Variants in NF2 observed in about 807,000 individuals in gnomAD.
NF2 encodes the protein merlin.
In NF2, 8 loss-of-function variants were observed where a neutral mutation model predicts 83.7. The observed-to-expected ratio is 0.10, with a 90% CI of 0.06 to 0.17. The LOEUF is 0.17. NF2 is among the 10% of genes least tolerant of loss of function. The pLI is 1.00. For missense variants in NF2, 533 were observed against 744.4 expected (o/e 0.72, Z 3.31); for synonymous variants, 266 against 269.6 (o/e 0.99, Z 0.13).
intron 14 of NF2, 90 bp from the exon 15 acceptor site, chr22:29,681,349 G>T (rs181990695): frequency 2.0e-6 from 3 of 1,531,564 alleles, no homozygotes; most frequent in East Asian, 2.3e-5. Flanking sequence ...ACCCTAGATC[G>T]CACACCAAGC....
rs139057067 is a variant in NF2, at chr22:29,664,854, G to A, written c.811-136G>A. ...CCTAATTCCCTGAGGTTTAGTGCCT[G>A]GATACTGGGAAGCCAGGACAAGGCA... On this transcript the variant is annotated intron_variant, in intron 8 of 15. Coordinates refer to ENST00000338641, the MANE Select transcript of NF2 (RefSeq NM_000268.4). 17 of 733,672 alleles carry A rather than the reference G, an allele frequency of 2.3e-5. No individual in the cohort carries two copies. In the African/African-American group the frequency reaches 2.4e-4, roughly 10 times the overall value. The allele number at this position is 733,672 out of a possible 1,614,324, so 45.4% of individuals were successfully genotyped here. A position where few individuals can be genotyped will look rare whatever the true frequency, so the allele number is the denominator to read the frequency against.
intron 13 of NF2, among the ~76,000 whole-genome samples, chr22:29,675,704 A>G (rs2066941496): frequency 6.6e-6 from 1 of 152,058 alleles, no homozygotes; most frequent in African/African-American, 2.4e-5. Context: ...GAGGGCACAG[A>G]TGCACACATG....
intron 14 of NF2, among the ~76,000 whole-genome samples, 187 bp from the exon 15 acceptor site, chr22:29,681,252 G>A (rs1028586514): frequency 6.6e-6 from 1 of 151,984 alleles, no homozygotes; most frequent in East Asian, 1.9e-4. Flanking sequence ...TTTTAATGAT[G>A]AGGAAACATT....
intron 1 of NF2, among the ~76,000 whole-genome samples, chr22:29,633,058 G>A (rs2065557443): frequency 6.6e-6 from 1 of 152,158 alleles, no homozygotes; most frequent in Admixed American, 6.5e-5. Context: ...CCCAAATTAG[G>A]AAGACTGAGC....
chr22:29,666,135 G>T (rs1034465783), intron 9 of NF2, among the ~76,000 whole-genome samples: 3 of 151,774 alleles, frequency 2.0e-5, no homozygotes, highest in African/African-American at 7.3e-5. Flanking sequence ...TCTGTTAATG[G>T]ATAATTAAGT....
intron 4 of NF2, among the ~76,000 whole-genome samples, chr22:29,644,588 G>A (rs1317622583): frequency 6.6e-6 from 1 of 152,090 alleles, no homozygotes; most frequent in Non-Finnish European, 1.5e-5. Context: ...GGTGGAGGTT[G>A]TAGCGAGCCG....
chr22:29,673,402 C>A lies in NF2; in HGVS notation c.1256C>A (p.Thr419Lys), dbSNP rs1216540232. The change falls in exon 12 of 16, where the codon ACG (threonine) becomes AAG (lysine). Residue 419 changes from threonine (T) to lysine (K), a missense_variant. Coordinates refer to ENST00000338641, the MANE Select transcript of NF2 (RefSeq NM_000268.4). ...CGCATCAAGGCCACAGCGATTCGCA[C>A]GGAGGAGGAGAAGCGCCTGATGGAG... is the stretch of plus-strand genomic sequence containing the variant. ...MQRIKATAIR[T>K]EEEKRLMEQK... is the part of the protein sequence containing the mutation. The A allele has an allele frequency of 6.2e-7, 1 of 1,612,358 alleles. No homozygotes were observed. The highest frequency in any genetic ancestry group is 1.7e-5 in the Admixed American group (1 of 59,812).
intron 10 of NF2, among the ~76,000 whole-genome samples, chr22:29,671,618 C>G (rs765391965): frequency 1.3e-5 from 2 of 151,978 alleles, no homozygotes; most frequent in Non-Finnish European, 2.9e-5. Flanking sequence ...CACCACTAGA[C>G]TGTTTTTCAA....
intron 4 of NF2, among the ~76,000 whole-genome samples, chr22:29,649,058 A>G (rs185784938): frequency 1.4e-4 from 21 of 152,308 alleles, no homozygotes; most frequent in Non-Finnish European, 1.5e-5. Context: ...TTGGGCATAT[A>G]TGGATAATAT....
chr22:29,654,459 A>C (rs1176225906), intron 4 of NF2, among the ~76,000 whole-genome samples, 198 bp from the exon 5 acceptor site: 1 of 152,258 alleles, frequency 6.6e-6, no homozygotes, highest in Non-Finnish European at 1.5e-5. Context: ...TTACAGGATT[A>C]TGCAACTCAG....
chr22:29,642,959 C>A (rs2065854039), intron 4 of NF2, among the ~76,000 whole-genome samples: 1 of 148,174 alleles, frequency 6.7e-6, no homozygotes, highest in South Asian at 2.1e-4. Flanking sequence ...TCACTATAGA[C>A]CTTTTTTTTT....
intron 10 of NF2, 22 bp from the exon 11 acceptor site, chr22:29,671,804 T>C (rs2147070381): frequency 6.2e-7 from 1 of 1,613,800 alleles, no homozygotes; most frequent in Non-Finnish European, 8.5e-7. Context: ...ATTCAATGAC[T>C]GTTTTTCTTC....
intron 1 of NF2, among the ~76,000 whole-genome samples, chr22:29,616,011 G>C (rs1284261606): frequency 3.3e-5 from 5 of 152,156 alleles, no homozygotes. Flanking sequence ...TGAAGTACCA[G>C]CACGTGCTTC....
At chr22:29,614,357 T>C (rs2065028970) in intron 1 of NF2, among the ~76,000 whole-genome samples, 2 of 151,944 alleles carry the variant, frequency 1.3e-5, no homozygotes, top group African/African-American at 4.8e-5. Flanking sequence ...GGTGGGTGGC[T>C]CACGAGGTCA....
At chr22:29,615,831 A>G (rs1483833837) in intron 1 of NF2, among the ~76,000 whole-genome samples, 1 of 152,228 alleles carries the variant, frequency 6.6e-6, no homozygotes, top group Non-Finnish European at 1.5e-5. Context: ...ATGTCTTCTC[A>G]AGAGAAATGA....
chr22:29,653,443 C>CAA lies in NF2; in HGVS notation c.448-1195_448-1194dup, dbSNP rs57099430. Among the ~76,000 whole-genome samples the CAA allele has an allele frequency of 3.9e-3, 371 of 94,278 alleles. 2 individuals carry two copies. The highest frequency in any genetic ancestry group is 0.014 in the African/African-American group (334 of 23,134). The allele number at this position is 94,278 out of a possible 152,430, so 61.9% of individuals were successfully genotyped here. On this transcript the variant is annotated intron_variant, in intron 4 of 15. Transcript: ENST00000338641. ...TGGGTGACAGAGCGAGACTCTGTCT[C>CAA]AAAAAAAAAAAAAAAAAAAATTGAC... is the stretch of plus-strand genomic sequence containing the variant.
chr22:29,661,385 G>A (rs372892489), intron 8 of NF2, 46 bp downstream of exon 8: 77 of 1,610,030 alleles, frequency 4.8e-5, no homozygotes, highest in Admixed American at 2.3e-4. Context: ...ATCTTTCCCT[G>A]TCTGCCCCCC....
At position 29,696,513 on chromosome 22, in the gene NF2, A is replaced by G. The variant is rs1646047431; in HGVS notation, c.*1711A>G. ...AGCAGAGGTGGTCTCTGGCAATTCC[A>G]TCTGGTTTTGAGAAACTTAGCAGCT... On this transcript the variant is annotated 3_prime_UTR_variant, in exon 16 of 16. Transcript: ENST00000338641. The G allele has an allele frequency of 2.3e-5, 5 of 218,452 alleles. 1 individual carries two copies. The Admixed American group carries it at 2.9e-4, about 13-fold the overall frequency. The allele number at this position is 218,452 out of a possible 1,614,324, so 13.5% of individuals were successfully genotyped here. A position where few individuals can be genotyped will look rare whatever the true frequency, so the allele number is the denominator to read the frequency against.
rs1436370735 is a variant in NF2, at chr22:29,636,320, A to G, written c.115-431A>G. On this transcript the variant is annotated intron_variant, in intron 1 of 15. Transcript: ENST00000338641. This position sits in a 1 kb window ranked among gnomAD's most constrained non-coding sequence, Gnocchi z 4.4. ...AGTAAAACCAGTCTTATTTAAAGGA[A>G]TACTAGCCTTTTATCAAAGGGCAAA... Among the ~76,000 whole-genome samples, 1 of 152,212 alleles carries G rather than the reference A, an allele frequency of 6.6e-6. No individual in the cohort carries two copies. The highest frequency in any genetic ancestry group is 1.9e-4 in the East Asian group (1 of 5,206).
Sources: gnomAD v4.1 joint callset for allele counts (sites outside exome capture counted in the v4.1 genomes callset) on GRCh38, gnomAD v4.1.1 for gene constraint, Gnocchi (gnomAD v3.1) non-coding constraint, MANE v1.5 for transcripts, NCBI Gene and HGNC (gene_info 2026-07-23, HGNC 2026-07-21) for gene names.